MYO5A: variants seen among roughly 807,000 people sequenced by gnomAD.
MYO5A encodes the protein myosin VA, also known as unconventional myosin-Va.
In MYO5A, 98 loss-of-function variants were observed where a neutral mutation model predicts 249.7. That is an observed-to-expected ratio of 0.39 (90% CI 0.33 to 0.46). The LOEUF (loss-of-function observed/expected upper bound fraction) is 0.46, where lower values mean the gene tolerates loss of function less well. Ranked by LOEUF, MYO5A falls within the 20% of genes least tolerant of loss-of-function variation. The pLI is 0.98. For missense variants in MYO5A, 1,696 were observed against 2,308.8 expected, an observed-to-expected ratio of 0.73 and a Z score of 5.44; for synonymous variants, 778 against 810.6, an observed-to-expected ratio of 0.96 and a Z score of 0.68.
intron 1 of MYO5A, among the ~76,000 whole-genome samples, chr15:52,482,825 G>C (rs905511030): frequency 5.3e-5 from 8 of 152,178 alleles, no homozygotes; most frequent in Middle Eastern, 3.4e-3. Flanking sequence ...CCTAAATAGT[G>C]ACTCTATCCC....
Position 52,405,303 on chromosome 15 carries a change from T to C in MYO5A, c.1037A>G (p.Asp346Gly). ...GNVGFTSRDA[D>G]SCTIPPKHEP... ...TGAACTTACAGGTATTGTGCAGCTG[T>C]CTGCATCTCGGGATGTAAATCCAAC... Residue 346 changes from aspartate (D) to glycine (G), a missense_variant, in exon 9 of 42, where the codon GAC becomes GGC. By Grantham distance (94) the Asp-to-Gly change is moderately conservative. This residue lies in a region of MYO5A where 185 missense variants were observed against 204.8 expected (regional missense o/e 0.90). Coordinates refer to ENST00000399233, the MANE Select transcript of MYO5A (RefSeq NM_001382347.1). 1 of 1,612,048 alleles carries C rather than the reference T, an allele frequency of 6.2e-7. No individual in the cohort carries two copies. The highest frequency in any genetic ancestry group is 8.5e-7 in the Non-Finnish European group (1 of 1,178,128).
intron 4 of MYO5A, 122 bp downstream of exon 4, chr15:52,425,708 A>C: frequency 8.6e-7 from 1 of 1,157,646 alleles, no homozygotes; most frequent in East Asian, 2.5e-5. Context: ...AAACTTGTCA[A>C]GGCTGCTTAT....
chr15:52,382,961 A>G, intron 16 of MYO5A, 130 bp downstream of exon 16: 1 of 776,402 alleles, frequency 1.3e-6, no homozygotes, highest in Non-Finnish European at 2.2e-6. Flanking sequence ...GTTTCCCTCT[A>G]CAAGGCATGA....
At position 52,327,935 on chromosome 15, in the gene MYO5A, G is replaced by C. The variant is rs373213667; in HGVS notation, c.4627C>G (p.Arg1543Gly). The change falls in exon 36 of 42, where the codon CGA becomes GGA. Residue 1543 changes from arginine to glycine, a missense_variant. Physicochemically the swap from Arg to Gly is moderately radical, Grantham distance 125. Around this residue, in one of 5 missense-constraint regions of MYO5A, gnomAD observed 625 missense variants for 908.1 expected, o/e 0.69. Transcript: ENST00000399233. Reference protein sequence around the residue: ...LPAYILFMCVRHADYLNDDQK... With the variant: ...LPAYILFMCVGHADYLNDDQK... Reference sequence around the variant, plus strand: ...TCATCATTCAGGTAGTCAGCATGTCGAACACACATGAACAGGATATATGCC... The same window carrying C: ...TCATCATTCAGGTAGTCAGCATGTCCAACACACATGAACAGGATATATGCC... 1 of 1,612,760 alleles carries C rather than the reference G, an allele frequency of 6.2e-7. No individual in the cohort carries two copies. The highest frequency in any genetic ancestry group is 1.3e-5 in the African/African-American group (1 of 74,842).
chr15:52,495,936 G>A (rs2077029068), intron 1 of MYO5A, among the ~76,000 whole-genome samples: 1 of 152,038 alleles, frequency 6.6e-6, no homozygotes, highest in Non-Finnish European at 1.5e-5. Context: ...CTGGCGTGGG[G>A]TGGGAGGCAG....
At chr15:52,330,532 T>C (rs1164274556) in intron 34 of MYO5A, 33 bp from the exon 35 acceptor site, 2 of 1,613,154 alleles carry the variant, frequency 1.2e-6, no homozygotes, top group East Asian at 2.2e-5. Flanking sequence ...GGAGAAAATG[T>C]TTTCCATATA....
intron 1 of MYO5A, among the ~76,000 whole-genome samples, chr15:52,483,162 C>T (rs2076749231): frequency 6.6e-6 from 1 of 152,202 alleles, no homozygotes; most frequent in African/African-American, 2.4e-5. Flanking sequence ...TTTATCTTTT[C>T]CATACTTGTT....
intron 1 of MYO5A, among the ~76,000 whole-genome samples, chr15:52,522,952 A>C (rs190148451): frequency 6.6e-6 from 1 of 152,266 alleles, no homozygotes; most frequent in Non-Finnish European, 1.5e-5. Flanking sequence ...AATACACAAA[A>C]CTTTCACACT....
chr15:52,365,884 A>G (rs1017399827), intron 23 of MYO5A, among the ~76,000 whole-genome samples: 1 of 152,144 alleles, frequency 6.6e-6, no homozygotes, highest in African/African-American at 2.4e-5. Context: ...GAAGATTCTC[A>G]TCATTCTGGA....
intron 14 of MYO5A, among the ~76,000 whole-genome samples, chr15:52,386,462 C>G (rs2041976409): frequency 6.6e-6 from 1 of 152,084 alleles, no homozygotes; most frequent in African/African-American, 2.4e-5. Flanking sequence ...CTGAATAATA[C>G]TTAGAGATTG....
chr15:52,344,838 C>G (rs1199424183), intron 30 of MYO5A, among the ~76,000 whole-genome samples: 1 of 152,184 alleles, frequency 6.6e-6, no homozygotes, highest in Non-Finnish European at 1.5e-5. Context: ...TTACTGTATT[C>G]CCAGTATGTG....
chr15:52,425,081 C>A (rs186737855), intron 4 of MYO5A, among the ~76,000 whole-genome samples: 134 of 152,222 alleles, frequency 8.8e-4, no homozygotes, highest in African/African-American at 3.0e-3. Flanking sequence ...ATAGCAAGAC[C>A]CCATCTTGAA....
intron 36 of MYO5A, among the ~76,000 whole-genome samples, chr15:52,327,514 C>G (rs1176694265): frequency 1.3e-5 from 2 of 152,074 alleles, no homozygotes; most frequent in African/African-American, 4.8e-5. Context: ...TGGAGACCAG[C>G]CTGGGCAACA....
intron 34 of MYO5A, among the ~76,000 whole-genome samples, chr15:52,332,330 T>C (rs2038928685): frequency 6.6e-6 from 1 of 152,188 alleles, no homozygotes; most frequent in Non-Finnish European, 1.5e-5. Context: ...AATTGCCAAC[T>C]AAACTATAAC....
At chr15:52,527,508 A>G (rs1199491571) in intron 1 of MYO5A, among the ~76,000 whole-genome samples, 1 of 152,262 alleles carries the variant, frequency 6.6e-6, no homozygotes, top group Non-Finnish European at 1.5e-5. Flanking sequence ...ATGGTTGAAG[A>G]AATTAATCAT....
chr15:52,418,292 A>T (rs1338776894), intron 4 of MYO5A, among the ~76,000 whole-genome samples: 2 of 152,198 alleles, frequency 1.3e-5, no homozygotes, highest in Admixed American at 6.5e-5. Flanking sequence ...ACCTGTTTCC[A>T]GAAGGTCTAA....
chr15:52,358,794 A>T (rs963042390), intron 25 of MYO5A, among the ~76,000 whole-genome samples: 1 of 128,558 alleles, frequency 7.8e-6, no homozygotes, highest in African/African-American at 4.9e-5. Flanking sequence ...CTGTTTTTTA[A>T]AAAAAAAACA....
intron 1 of MYO5A, among the ~76,000 whole-genome samples, chr15:52,488,742 C>T (rs1023003655): frequency 2.0e-5 from 3 of 151,516 alleles, no homozygotes; most frequent in African/African-American, 7.3e-5. Flanking sequence ...GTTGAAGCTG[C>T]GGGCTTGGGG....
chr15:52,501,326 G>A (rs1228097278), intron 1 of MYO5A, among the ~76,000 whole-genome samples: 4 of 152,086 alleles, frequency 2.6e-5, no homozygotes, highest in South Asian at 2.1e-4. Context: ...TTGGCCAGGT[G>A]TGGTGTCTCA....
Sources: gnomAD v4.1 joint callset for allele counts (sites outside exome capture counted in the v4.1 genomes callset) on GRCh38, gnomAD v4.1.1 for gene constraint, gnomAD v4.1.1 regional missense constraint, MANE v1.5 for transcripts, NCBI Gene and HGNC (gene_info 2026-07-23, HGNC 2026-07-21) for gene names.